The following CSMD1 variants were observed in gnomAD, a reference collection of about 807,000 sequenced individuals.
CSMD1 encodes CUB and sushi domain-containing protein 1.
Under a neutral mutation model 417.5 loss-of-function variants are expected in CSMD1, and 213 were observed. The observed-to-expected ratio is 0.51, with a 90% CI of 0.46 to 0.57. The LOEUF (loss-of-function observed/expected upper bound fraction) is 0.57. CSMD1 is among the 20% of genes least tolerant of loss of function. The pLI, the probability that CSMD1 is intolerant of heterozygous loss-of-function variation, is 0.00. For synonymous variants in CSMD1, 2,862 were observed against 1,736.8 expected, an observed-to-expected ratio of 1.65 and a Z score of -16.11; for missense variants, 6,923 against 4,529.7, an observed-to-expected ratio of 1.53 and a Z score of -15.17.
rs1051735216 is a variant in CSMD1 at position 3,891,043 on chromosome 8, T to C, written c.818+106860A>G. On this transcript the variant is annotated intron_variant, in intron 5 of 69. Transcript: ENST00000635120. ...AATAATTGAGCAGCTTTTTTGTTTT[T>C]TTTTTGTTTTATTTTATTATTTTGA... 2.9e-4 allele frequency among the ~76,000 whole-genome samples: 44 copies of C among 152,130 alleles called. 1 individual carries two copies. The highest frequency in any genetic ancestry group is 2.1e-3 in the Admixed American group (32 of 15,282).
chr8:4,862,323 A>G (rs1318774030), intron 1 of CSMD1, among the ~76,000 whole-genome samples: 5 of 152,090 alleles, frequency 3.3e-5, no homozygotes, highest in Admixed American at 6.5e-5. Flanking sequence ...TATGAATGAG[A>G]TGGAAAATTA....
In CSMD1 at chr8:3,754,000, C is replaced by G. The variant is rs369440670; in HGVS notation, c.861G>C (p.Lys287Asn). The G allele has an allele frequency of 5.6e-6, 9 of 1,612,714 alleles. No individual in the cohort carries two copies. Among genetic ancestry groups the G allele is most frequent in the African/African-American group, 1.3e-5 (1 of 74,862 alleles). ...AGGTGAAATGGAGTCGTAGCCAATT[C>G]TTGCTACTGATAACTGGAGAGGGGA... ...MNLPSPVISS[K>N]NWLRLHFTSD... Residue 287 changes from lysine to asparagine, a missense_variant, in exon 6 of 70, where the codon AAG becomes AAC. Transcript: ENST00000635120.
At chr8:4,522,446 T>G (rs907526820) in intron 2 of CSMD1, among the ~76,000 whole-genome samples, 15 of 152,106 alleles carry the variant, frequency 9.9e-5, no homozygotes, top group African/African-American at 3.1e-4. Flanking sequence ...TCACCCACAA[T>G]CAGATGAGCA....
In CSMD1 at chr8:2,974,522, C is replaced by A; in HGVS notation, c.8669G>T (p.Ser2890Ile). 6.2e-7 allele frequency: 1 copy of A among 1,613,618 alleles called. No individual in the cohort carries two copies. The highest frequency in any genetic ancestry group is 8.5e-7 in the Non-Finnish European group (1 of 1,179,734). The stretch of plus-strand genomic sequence containing the variant: ...CACTCTCGTGTCGTTGCCTATGAGG[C>A]TCTCGCTCCCTCTGCAGGAGTAGTG... Reference protein sequence around the residue: ...VVHYSCRGSESLIGNDTRVCQ... With the variant: ...VVHYSCRGSEILIGNDTRVCQ... The change falls in exon 56 of 70, where the codon AGC (serine) becomes ATC (isoleucine). Residue 2890 changes from serine to isoleucine, a missense_variant. Ser to Ile is a moderately radical substitution (Grantham distance 142). Transcript: ENST00000635120.
intron 2 of CSMD1, among the ~76,000 whole-genome samples, chr8:4,496,652 G>A (rs186616347): frequency 3.0e-4 from 46 of 151,852 alleles, no homozygotes; most frequent in African/African-American, 1.1e-3. Flanking sequence ...GCTCCTTTTG[G>A]TCTCCCCCTC....
chr8:4,467,336 A>G (rs1461256319), intron 2 of CSMD1, among the ~76,000 whole-genome samples: 1 of 152,120 alleles, frequency 6.6e-6, no homozygotes, highest in Non-Finnish European at 1.5e-5. Context: ...TTGACCCATT[A>G]CTGAATGTGT....
chr8:4,455,244 C>T (rs1241801452), intron 2 of CSMD1, among the ~76,000 whole-genome samples: 2 of 152,116 alleles, frequency 1.3e-5, no homozygotes, highest in African/African-American at 4.8e-5. Context: ...ATTTGTTGGC[C>T]TTTTCCCCAG....
chr8:3,119,472 T>C (rs941623413), intron 41 of CSMD1, among the ~76,000 whole-genome samples: 51 of 151,672 alleles, frequency 3.4e-4, no homozygotes, highest in Non-Finnish European at 8.8e-5. Flanking sequence ...ACATGATTTA[T>C]TGTGCTTTAT....
intron 10 of CSMD1, among the ~76,000 whole-genome samples, chr8:3,495,599 G>C (rs549443004): frequency 1.3e-5 from 2 of 152,160 alleles, no homozygotes; most frequent in Non-Finnish European, 2.9e-5. Context: ...AACAGAAAAT[G>C]CAGCCTTGGT....
intron 3 of CSMD1, among the ~76,000 whole-genome samples, chr8:4,323,978 C>G (rs1161944807): frequency 6.6e-6 from 1 of 152,156 alleles, no homozygotes; most frequent in Non-Finnish European, 1.5e-5. Flanking sequence ...CCTGCTGCCT[C>G]AAGGACTTCA....
chr8:3,250,433 C>T (rs1048375433), intron 26 of CSMD1, among the ~76,000 whole-genome samples: 2 of 152,118 alleles, frequency 1.3e-5, no homozygotes, highest in African/African-American at 4.8e-5. Flanking sequence ...ATATATGTGC[C>T]ACATTTTCTT....
At chr8:3,901,703 A>G (rs1236277539) in intron 5 of CSMD1, among the ~76,000 whole-genome samples, 2 of 152,210 alleles carry the variant, frequency 1.3e-5, no homozygotes, top group African/African-American at 4.8e-5. Flanking sequence ...AGATTTTGAA[A>G]TGGCAAAGAA....
intron 5 of CSMD1, among the ~76,000 whole-genome samples, chr8:3,922,127 G>A (rs1809319610): frequency 7.1e-6 from 1 of 140,748 alleles, no homozygotes; most frequent in Admixed American, 7.5e-5. Flanking sequence ...ATTATATTAT[G>A]ACATTCTTTC....
chr8:4,401,121 A>G (rs891861364), intron 3 of CSMD1, among the ~76,000 whole-genome samples: 7 of 152,200 alleles, frequency 4.6e-5, no homozygotes, highest in Admixed American at 1.3e-4. Flanking sequence ...TCAGCTCCAC[A>G]TAAAGCTTCT....
At position 4,361,091 on chromosome 8, in the gene CSMD1, T is replaced by C. The variant is rs566542596; in HGVS notation, c.415+58862A>G. 2.0e-5 allele frequency among the ~76,000 whole-genome samples: 3 copies of C among 152,328 alleles called. No homozygotes were observed. In the South Asian group the frequency reaches 6.2e-4, roughly 32 times the overall value. On this transcript the variant is annotated intron_variant, in intron 3 of 69. Coordinates refer to ENST00000635120, the MANE Select transcript of CSMD1 (RefSeq NM_033225.6). ...CCAACAGATGTTTTGTCAGTTCTCA[T>C]GCTACACACTGTGTGGATGCTGAAA...
rs200212461 is a variant in CSMD1, at chr8:4,366,225, G to GCATC, written c.415+53724_415+53727dup. On this transcript the variant is annotated intron_variant, in intron 3 of 69. Coordinates refer to ENST00000635120, the MANE Select transcript of CSMD1 (RefSeq NM_033225.6). ...TCACTTAGGATAATGGTCTTCAACTGCATCCATGTAGCTGCAAAAGACGTG... is the reference window on the plus strand; with the variant it reads ...TCACTTAGGATAATGGTCTTCAACTGCATCCATCCATGTAGCTGCAAAAGACGTG... 3.3e-3 allele frequency among the ~76,000 whole-genome samples: 503 copies of GCATC among 150,804 alleles called. 26 individuals are homozygous for GCATC. The East Asian group carries it at 0.085, about 26-fold the overall frequency.
chr8:4,408,202 G>T (rs550648808), intron 3 of CSMD1, among the ~76,000 whole-genome samples: 63 of 152,352 alleles, frequency 4.1e-4, no homozygotes, highest in African/African-American at 1.4e-3. Flanking sequence ...GTTGCAAGTT[G>T]ACAGGCCCCA....
chr8:4,123,811 C>A (rs891301681), intron 3 of CSMD1, among the ~76,000 whole-genome samples: 1 of 152,064 alleles, frequency 6.6e-6, no homozygotes, highest in Non-Finnish European at 1.5e-5. Context: ...TAATAGAGAA[C>A]TAAGTTCAAG....
intron 5 of CSMD1, among the ~76,000 whole-genome samples, chr8:3,876,554 T>A (rs758052974): frequency 5.3e-5 from 8 of 152,216 alleles, no homozygotes; most frequent in African/African-American, 7.2e-5. Context: ...TCCTAAAAAA[T>A]TATTAATTCT....
Sources: allele counts gnomAD v4.1 joint callset (sites outside exome capture counted in the v4.1 genomes callset), GRCh38; gene constraint gnomAD v4.1.1; transcripts MANE v1.5; gene names NCBI Gene and HGNC (gene_info 2026-07-23, HGNC 2026-07-21).